WDR70: variants seen among roughly 807,000 people sequenced by gnomAD.
WDR70 encodes the protein WD repeat-containing protein 70.
Under a neutral mutation model 88.6 loss-of-function variants are expected in WDR70, and 53 were observed. The observed-to-expected ratio is 0.60, with a 90% CI of 0.48 to 0.75. The LOEUF (loss-of-function observed/expected upper bound fraction) is 0.75, where lower values mean the gene tolerates loss of function less well. WDR70 is among the 30% of genes least tolerant of loss of function. The pLI is 0.00. For missense variants in WDR70, 610 were observed against 823.2 expected, an observed-to-expected ratio of 0.74 and a Z score of 3.17; for synonymous variants, 280 against 270.0, an observed-to-expected ratio of 1.04 and a Z score of -0.36.
chr5:37,657,207 C>T lies in WDR70; in HGVS notation c.1093-40448C>T, dbSNP rs186061755. Among the ~76,000 whole-genome samples the T allele has an allele frequency of 9.8e-3, 1,493 of 152,248 alleles. 11 individuals carry two copies. The highest frequency in any genetic ancestry group is 0.015 in the Non-Finnish European group (1,049 of 68,010). On this transcript the variant is annotated intron_variant, in intron 10 of 17. Transcript: ENST00000265107. The stretch of plus-strand genomic sequence containing the variant: ...AGTATCTGGGCTGGAGTGTACCATT[C>T]CTCACAGCAGGGTCCCTCATGGTTT...
intron 17 of WDR70, among the ~76,000 whole-genome samples, chr5:37,745,209 T>C (rs1267950169): frequency 6.6e-6 from 1 of 151,950 alleles, no homozygotes; most frequent in African/African-American, 2.4e-5. Context: ...TAAAATCCTT[T>C]CCAGACAAGC....
chr5:37,715,146 A>G (rs961551665), intron 13 of WDR70, among the ~76,000 whole-genome samples: 2 of 152,158 alleles, frequency 1.3e-5, no homozygotes, highest in African/African-American at 2.4e-5. Flanking sequence ...TTTAAAATGC[A>G]TAATATATGC....
At chr5:37,719,351 C>CA (rs1264822799) in intron 13 of WDR70, among the ~76,000 whole-genome samples, 11 of 125,740 alleles carry the variant, frequency 8.7e-5, no homozygotes, top group Admixed American at 4.7e-4. Flanking sequence ...CAACAACAAC[C>CA]CCCCCCCCAA....
intron 8 of WDR70, among the ~76,000 whole-genome samples, chr5:37,496,172 T>A (rs1196935074): frequency 6.6e-6 from 1 of 152,204 alleles, no homozygotes; most frequent in East Asian, 1.9e-4. Flanking sequence ...ATCAGTGCTC[T>A]GTAAAATGGA....
At chr5:37,488,172 C>A (rs1240614733) in intron 8 of WDR70, among the ~76,000 whole-genome samples, 1 of 141,636 alleles carries the variant, frequency 7.1e-6, no homozygotes, top group African/African-American at 2.6e-5. Context: ...ACTGTTAAGT[C>A]TGATGGGTGT....
intron 9 of WDR70, among the ~76,000 whole-genome samples, chr5:37,523,607 G>A (rs1423264225): frequency 6.6e-6 from 1 of 152,234 alleles, no homozygotes; most frequent in East Asian, 1.9e-4. Flanking sequence ...CTCTTCACCA[G>A]CAATGGAACA....
In WDR70 at chr5:37,421,141, G is replaced by A. The variant is rs145884621; in HGVS notation, c.493-16781G>A. On this transcript the variant is annotated intron_variant, in intron 5 of 17. Coordinates refer to ENST00000265107, the MANE Select transcript of WDR70 (RefSeq NM_018034.4). ...GAAGTGCTAAGTTCTCTAAGGCCACGCAGTGGTAAATGGCGGAGTCAGGTT... is the reference window on the plus strand; with the variant it reads ...GAAGTGCTAAGTTCTCTAAGGCCACACAGTGGTAAATGGCGGAGTCAGGTT... 8.2e-3 allele frequency among the ~76,000 whole-genome samples: 1,242 copies of A among 152,280 alleles called. 15 individuals carry two copies. Among genetic ancestry groups the A allele is most frequent in the African/African-American group, 0.028 (1,178 of 41,542 alleles).
At chr5:37,667,002 A>G (rs1393213450) in intron 10 of WDR70, among the ~76,000 whole-genome samples, 6 of 152,252 alleles carry the variant, frequency 3.9e-5, no homozygotes, top group African/African-American at 1.4e-4. Flanking sequence ...TGTTTTTGCT[A>G]TTACTATGTA....
At chr5:37,391,800 A>C (rs1386501977) in intron 3 of WDR70, among the ~76,000 whole-genome samples, 200 bp from the exon 4 acceptor site, 1 of 152,206 alleles carries the variant, frequency 6.6e-6, no homozygotes, top group Non-Finnish European at 1.5e-5. Flanking sequence ...TTGCTGGATC[A>C]CGTGATAATT....
chr5:37,621,925 C>T (rs1482024952), intron 10 of WDR70, among the ~76,000 whole-genome samples: 3 of 152,108 alleles, frequency 2.0e-5, no homozygotes, highest in African/African-American at 7.2e-5. Flanking sequence ...AGGAAGGGAT[C>T]CAGTTTCAGC....
chr5:37,546,140 A>G (rs1251818431), intron 9 of WDR70, among the ~76,000 whole-genome samples: 1 of 152,078 alleles, frequency 6.6e-6, no homozygotes, highest in East Asian at 1.9e-4. Flanking sequence ...TGCTCCTGTT[A>G]TGTTTGGATG....
At chr5:37,534,654 C>T (rs1302224112) in intron 9 of WDR70, among the ~76,000 whole-genome samples, 2 of 152,042 alleles carry the variant, frequency 1.3e-5, no homozygotes, top group East Asian at 3.9e-4. Context: ...CCCACCACCA[C>T]ACCTGGCTAA....
chr5:37,669,656 T>G (rs1295705186), intron 10 of WDR70, among the ~76,000 whole-genome samples: 1 of 152,116 alleles, frequency 6.6e-6, no homozygotes, highest in African/African-American at 2.4e-5. Flanking sequence ...GTAAGAGATT[T>G]ACTGGGGAGT....
At chr5:37,720,945 G>A (rs1561090230) in intron 13 of WDR70, among the ~76,000 whole-genome samples, 170 bp from the exon 14 acceptor site, 1 of 152,106 alleles carries the variant, frequency 6.6e-6, no homozygotes. Context: ...TGATGGAATG[G>A]AATTTTACTT....
intron 9 of WDR70, among the ~76,000 whole-genome samples, chr5:37,564,752 A>G (rs370272872): frequency 2.0e-5 from 3 of 152,350 alleles, no homozygotes; most frequent in South Asian, 2.1e-4. Context: ...TGACAATTAT[A>G]TAGGATCCAA....
chr5:37,380,463 C>T (rs758967754), intron 2 of WDR70, among the ~76,000 whole-genome samples: 37 of 151,894 alleles, frequency 2.4e-4, no homozygotes, highest in Non-Finnish European at 4.6e-4. Flanking sequence ...CTCAGCCTCC[C>T]GAGTAGCTGG....
intron 10 of WDR70, among the ~76,000 whole-genome samples, chr5:37,676,900 A>T (rs542752942): frequency 1.3e-5 from 2 of 152,128 alleles, no homozygotes; most frequent in African/African-American, 2.4e-5. Flanking sequence ...TGATTATTGC[A>T]ACAATTTCAG....
intron 5 of WDR70, among the ~76,000 whole-genome samples, chr5:37,415,800 G>A (rs1208782299): frequency 2.0e-5 from 3 of 148,084 alleles, no homozygotes; most frequent in African/African-American, 5.0e-5. Context: ...CAGACGGGGC[G>A]GCCGGGCAGA....
intron 9 of WDR70, among the ~76,000 whole-genome samples, chr5:37,593,864 T>A (rs1031998407): frequency 1.3e-5 from 2 of 152,232 alleles, no homozygotes; most frequent in Non-Finnish European, 2.9e-5. Context: ...AGATGGTATC[T>A]CATTGTGGGT....
Sources: allele counts gnomAD v4.1 joint callset (sites outside exome capture counted in the v4.1 genomes callset), GRCh38; gene constraint gnomAD v4.1.1; transcripts MANE v1.5; gene names NCBI Gene and HGNC (gene_info 2026-07-23, HGNC 2026-07-21).